Variants in MCFD2 observed in about 807,000 individuals in gnomAD.
The protein encoded by MCFD2 is multiple coagulation factor deficiency 2, ER cargo receptor complex subunit, also known as multiple coagulation factor deficiency protein 2.
In MCFD2, 11 loss-of-function variants were observed where a neutral mutation model predicts 12.8. The observed-to-expected ratio is 0.86, with a 90% confidence interval of 0.54 to 1.42. The LOEUF (loss-of-function observed/expected upper bound fraction) is 1.42, where lower values mean the gene tolerates loss of function less well. MCFD2 is among the 40% of genes most tolerant of loss of function. The probability of loss-of-function intolerance (pLI) is 0.00; values close to 1 mark genes in which losing one functional copy is unlikely to be tolerated. For synonymous variants in MCFD2, 70 were observed against 68.1 expected, an observed-to-expected ratio of 1.03 and a Z score of -0.14; for missense variants, 191 against 178.6, an observed-to-expected ratio of 1.07 and a Z score of -0.40.
At chr2:46,938,784 C>G (rs952704143) in intron 1 of MCFD2, among the ~76,000 whole-genome samples, 1 of 151,700 alleles carries the variant, frequency 6.6e-6, no homozygotes, top group South Asian at 2.1e-4. Flanking sequence ...GAGGCCAAGG[C>G]GGGCAGATCA....
At position 46,902,835 on chromosome 2, in the gene MCFD2, C is replaced by G. The variant is rs547193800; in HGVS notation, c.*2628G>C. ...AAGAGATAGGAACCACCAGGGCAAA[C>G]ATTTGGTATTCACTCCACTTCACTG... On this transcript the variant is annotated 3_prime_UTR_variant, in exon 4 of 4. Transcript: ENST00000319466. 5.8e-4 allele frequency: 88 copies of G among 152,274 alleles called. 2 individuals carry two copies. Among genetic ancestry groups the G allele is most frequent in the African/African-American group, 2.0e-3 (82 of 41,556 alleles). The allele number at this position is 152,274 out of a possible 1,614,324, so 9.4% of individuals were successfully genotyped here. A position where few individuals can be genotyped will look rare whatever the true frequency, so the allele number is the denominator to read the frequency against.
chr2:46,922,970 C>G (rs573806412), intron 1 of MCFD2, among the ~76,000 whole-genome samples: 44 of 152,318 alleles, frequency 2.9e-4, no homozygotes, highest in African/African-American at 9.9e-4. Context: ...AAGACCCCCT[C>G]TTTATTACAG....
At chr2:46,927,737 A>T (rs749905608) in intron 1 of MCFD2, among the ~76,000 whole-genome samples, 1 of 152,136 alleles carries the variant, frequency 6.6e-6, no homozygotes, top group African/African-American at 2.4e-5. Context: ...AAAACAGTAT[A>T]TCTTCAAAGT....
In MCFD2 at chr2:46,907,515, C is replaced by T. The variant is rs961906943; in HGVS notation, c.309+295G>A. 5 of 402,190 alleles carry T rather than the reference C, an allele frequency of 1.2e-5. No homozygotes were observed. Among genetic ancestry groups the T allele is most frequent in the East Asian group, 1.1e-4 (2 of 17,546 alleles). The allele number at this position is 402,190 out of a possible 1,614,324, so 24.9% of individuals were successfully genotyped here. A position where few individuals can be genotyped will look rare whatever the true frequency, so the allele number is the denominator to read the frequency against. ...TCCTCCCACCTTAGCCTCCTGAGTA[C>T]GTAGAACTACGGGCATGCACTACCA... On this transcript the variant is annotated intron_variant, in intron 3 of 3. Transcript: ENST00000319466. This position sits in a 1 kb window ranked among gnomAD's most constrained non-coding sequence, Gnocchi z 4.1.
upstream of MCFD2, chr2:46,916,072 T>G: frequency 1.0e-6 from 1 of 985,420 alleles, no homozygotes; most frequent in South Asian, 4.7e-5. Context: ...CCGGAAGCCC[T>G]CAGGAACGTA....
rs1372494025 is a variant in MCFD2, at chr2:46,902,330, G to A, written c.*3133C>T. 6.6e-6 allele frequency: 1 copy of A among 152,628 alleles called. No homozygotes were observed. Among genetic ancestry groups the A allele is most frequent in the African/African-American group, 2.4e-5 (1 of 41,444 alleles). The allele number at this position is 152,628 out of a possible 1,614,324, so 9.5% of individuals were successfully genotyped here. A position where few individuals can be genotyped will look rare whatever the true frequency, so the allele number is the denominator to read the frequency against. On this transcript the variant is annotated 3_prime_UTR_variant, in exon 4 of 4. Transcript: ENST00000319466. Reference sequence around the variant, plus strand: ...TAGAACTTCTATCTGATTAATCATTGTTTGGTGAATTATCTTTTCACTTCC... The same window carrying A: ...TAGAACTTCTATCTGATTAATCATTATTTGGTGAATTATCTTTTCACTTCC...
chr2:46,933,897 G>A (rs777025764), intron 1 of MCFD2, among the ~76,000 whole-genome samples: 1 of 152,158 alleles, frequency 6.6e-6, no homozygotes, highest in Non-Finnish European at 1.5e-5. Flanking sequence ...GGCTCTAAGG[G>A]ACCCCACATG....
In MCFD2 at chr2:46,907,730, C is replaced by G. The variant is rs1323168164; in HGVS notation, c.309+80G>C. On this transcript the variant is annotated intron_variant, in intron 3 of 3. Transcript: ENST00000319466. The surrounding 1 kb of genome is among the most constrained non-coding windows in gnomAD (Gnocchi z 4.1). ...GCACTCTTGGCACATAAGGACAACA[C>G]AAGTCAACAAGACTGGGGACCAAAT... The G allele has an allele frequency of 2.1e-6, 3 of 1,459,986 alleles. No homozygotes were observed. In the East Asian group the frequency reaches 6.8e-5, roughly 33 times the overall value. The allele number at this position is 1,459,986 out of a possible 1,614,324, so 90.4% of individuals were successfully genotyped here. A position where few individuals can be genotyped will look rare whatever the true frequency, so the allele number is the denominator to read the frequency against.
chr2:46,920,507 T>A (rs1669047931), upstream of MCFD2, among the ~76,000 whole-genome samples: 2 of 152,008 alleles, frequency 1.3e-5, no homozygotes, highest in African/African-American at 4.8e-5. Flanking sequence ...TTTTTTGTAT[T>A]TTTAGTAGAG....
Position 46,905,344 on chromosome 2 carries a change from A to G in MCFD2, c.*119T>C, listed in dbSNP as rs1668174711. On this transcript the variant is annotated 3_prime_UTR_variant, in exon 4 of 4. Transcript: ENST00000319466. Reference sequence around the variant, plus strand: ...TCACCCCAGTGTAACGAATCGCTACAGGTTTTTACCAAAATGCTGCAGCAG... The same window carrying G: ...TCACCCCAGTGTAACGAATCGCTACGGGTTTTTACCAAAATGCTGCAGCAG... 1 of 1,120,818 alleles carries G rather than the reference A, an allele frequency of 8.9e-7. No homozygotes were observed. Among genetic ancestry groups the G allele is most frequent in the Non-Finnish European group, 1.4e-6 (1 of 736,760 alleles). The allele number at this position is 1,120,818 out of a possible 1,614,324, so 69.4% of individuals were successfully genotyped here.
chr2:46,916,937 G>C (rs577874194), upstream of MCFD2, among the ~76,000 whole-genome samples: 23 of 150,990 alleles, frequency 1.5e-4, no homozygotes, highest in South Asian at 1.3e-3. Flanking sequence ...CCGGCAGGAC[G>C]GTCGTTTTTT....
In MCFD2 at chr2:46,905,537, C is replaced by A. The variant is rs775052308; in HGVS notation, c.367G>T (p.Gly123Cys). Residue 123 changes from glycine to cysteine, a missense_variant, in exon 4 of 4, where the codon GGT (glycine) becomes TGT (cysteine). Physicochemically the swap from Gly to Cys is radical, Grantham distance 159. Transcript: ENST00000319466. Reference sequence around the variant, plus strand: ...TTCTTGTCATCATCTCTCAAAACACCATCTATTATGTTAATCAGTTCATCT... The same window carrying A: ...TTCTTGTCATCATCTCTCAAAACACAATCTATTATGTTAATCAGTTCATCT... ...SEDELINIIDGVLRDDDKNND... is the reference protein window; with the variant it reads ...SEDELINIIDCVLRDDDKNND... 17 of 1,613,200 alleles carry A rather than the reference C, an allele frequency of 1.1e-5. No individual in the cohort carries two copies. In the African/African-American group the frequency reaches 2.0e-4, roughly 19 times the overall value.
At chr2:46,915,655 C>G in intron 1 of MCFD2, 68 bp downstream of exon 1, 1 of 584,746 alleles carries the variant, frequency 1.7e-6, no homozygotes, top group Non-Finnish European at 2.2e-6. Flanking sequence ...ATCTTGAGCC[C>G]AAGCCTCCAG....
upstream of MCFD2, chr2:46,916,039 G>A (rs1668768045): frequency 1.0e-6 from 1 of 985,474 alleles, no homozygotes; most frequent in Non-Finnish European, 1.2e-6. Flanking sequence ...ACGCCCTAGG[G>A]GCCCGGCAGT....
At chr2:46,926,309 C>T (rs1271573642) in intron 1 of MCFD2, among the ~76,000 whole-genome samples, 1 of 152,172 alleles carries the variant, frequency 6.6e-6, no homozygotes, top group Non-Finnish European at 1.5e-5. Context: ...AGGTACTGTG[C>T]TAAACAGTGG....
chr2:46,939,291 A>G (rs899824463), intron 1 of MCFD2, among the ~76,000 whole-genome samples: 6 of 152,082 alleles, frequency 3.9e-5, no homozygotes, highest in Non-Finnish European at 8.8e-5. Flanking sequence ...GCAGTGGCTC[A>G]AGCCTGTAAT....
Position 46,940,502 on chromosome 2 carries a change from TG to T in MCFD2, c.-8+1069del, listed in dbSNP as rs1670237177. 6.6e-6 allele frequency among the ~76,000 whole-genome samples: 1 copy of T among 152,200 alleles called. No individual in the cohort carries two copies. Among genetic ancestry groups the T allele is most frequent in the Non-Finnish European group, 1.5e-5 (1 of 68,034 alleles). On this transcript the variant is annotated intron_variant, in intron 1 of 2. Coordinates refer to the MCFD2 transcript ENST00000409147. The surrounding 1 kb of genome is among the most constrained non-coding windows in gnomAD (Gnocchi z 4.7). ...TGAACTTCTGGGCACCCCACAGCCC[TG>T]GGCTAAACCCTGCTAAGCACTCCAT... is the stretch of plus-strand genomic sequence containing the variant.
In MCFD2 at chr2:46,912,336, C is replaced by G. The variant is rs538642860; in HGVS notation, c.-6-3159G>C. On this transcript the variant is annotated intron_variant, in intron 1 of 3. Transcript: ENST00000319466. ...CCTGGGCAAGAGAGTGAGACTGTCT[C>G]AAAAAAATTTTTTAAACGTGTCCAG... is the stretch of plus-strand genomic sequence containing the variant. 4.6e-5 allele frequency among the ~76,000 whole-genome samples: 7 copies of G among 152,312 alleles called. No homozygotes were observed. The South Asian group carries it at 1.5e-3, about 32-fold the overall frequency.
chr2:46,930,678 C>G (rs910389826), intron 1 of MCFD2, among the ~76,000 whole-genome samples: 2 of 151,836 alleles, frequency 1.3e-5, no homozygotes, highest in Admixed American at 6.6e-5. Context: ...TTTTGTATTT[C>G]TAGTAGAGAC....
Sources: gnomAD v4.1 joint callset for allele counts (sites outside exome capture counted in the v4.1 genomes callset) on GRCh38, gnomAD v4.1.1 for gene constraint, Gnocchi (gnomAD v3.1) non-coding constraint, MANE v1.5 for transcripts, NCBI Gene and HGNC (gene_info 2026-07-23, HGNC 2026-07-21) for gene names.